THSD7A: variants seen among roughly 807,000 people sequenced by gnomAD.
THSD7A encodes the protein thrombospondin type-1 domain-containing protein 7A.
A neutral mutation model predicts 231.3 loss-of-function variants in THSD7A; 96 were observed. That is an observed-to-expected ratio of 0.41 (90% CI 0.35 to 0.49). THSD7A has a LOEUF of 0.49. Among genes scored for constraint, THSD7A ranks in the 20% least tolerant of loss-of-function variants. The pLI is 0.05. For synonymous variants in THSD7A, 940 were observed against 743.3 expected (o/e 1.26, Z -4.30); for missense variants, 2,290 against 2,070.2 (o/e 1.11, Z -2.06).
chr7:11,542,949 T>C lies in THSD7A; in HGVS notation c.1609+13A>G, dbSNP rs1789214793. ...GGTGGGTATAAAAGGCATGTCATGG[T>C]CACGTTACCTACCTTTTTTCCCTTG... On this transcript the variant is annotated intron_variant, in intron 5 of 27. Transcript: ENST00000423059. 1 of 1,611,392 alleles carries C rather than the reference T, an allele frequency of 6.2e-7. No individual in the cohort carries two copies. Among genetic ancestry groups the C allele is most frequent in the Admixed American group, 1.7e-5 (1 of 59,654 alleles).
intron 4 of THSD7A, among the ~76,000 whole-genome samples, chr7:11,581,347 A>G (rs1791153836): frequency 6.6e-6 from 1 of 152,048 alleles, no homozygotes; most frequent in African/African-American, 2.4e-5. Context: ...TTATTATCCA[A>G]TATTTTATTA....
chr7:11,508,148 C>T (rs1276725572), intron 6 of THSD7A, among the ~76,000 whole-genome samples: 1 of 152,150 alleles, frequency 6.6e-6, no homozygotes, highest in Non-Finnish European at 1.5e-5. Context: ...AATCACCTCC[C>T]ACCAGGTCCC....
At chr7:11,508,176 A>G (rs1787637209) in intron 6 of THSD7A, among the ~76,000 whole-genome samples, 1 of 152,184 alleles carries the variant, frequency 6.6e-6, no homozygotes, top group Admixed American at 6.5e-5. Context: ...ACCCCTGGAG[A>G]TTACAATTTG....
rs1491347103 is a variant in THSD7A, at chr7:11,769,122, A to ATATATATATATAT, written c.190+62634_190+62635insATATATATATATA. On this transcript the variant is annotated intron_variant, in intron 1 of 27. Coordinates refer to ENST00000423059, the MANE Select transcript of THSD7A (RefSeq NM_015204.3). ...ACAGGCACCTGCCATAATTCCTGGC[A>ATATATATATATAT]ATATATATATATATATATATATATA... Among the ~76,000 whole-genome samples, 145 of 35,868 alleles carry ATATATATATATAT rather than the reference A, an allele frequency of 4.0e-3. 27 individuals are homozygous for ATATATATATATAT. The highest frequency in any genetic ancestry group is 6.0e-3 in the African/African-American group (59 of 9,782). The allele number at this position is 35,868 out of a possible 152,430, so 23.5% of individuals were successfully genotyped here.
chr7:11,469,825 G>T, intron 9 of THSD7A, 54 bp downstream of exon 9: 1 of 1,263,546 alleles, frequency 7.9e-7, no homozygotes, highest in South Asian at 1.3e-5. Context: ...GACCTCAGAA[G>T]TCTACCGAGG....
intron 1 of THSD7A, among the ~76,000 whole-genome samples, chr7:11,675,253 C>T (rs1300865029): frequency 6.6e-6 from 1 of 152,140 alleles, no homozygotes; most frequent in Non-Finnish European, 1.5e-5. Context: ...TATGCTTTTA[C>T]CATGGTCTTC....
chr7:11,572,264 T>C (rs1375184357), intron 4 of THSD7A, among the ~76,000 whole-genome samples: 1 of 152,174 alleles, frequency 6.6e-6, no homozygotes, highest in African/African-American at 2.4e-5. Context: ...CTATTTCTAT[T>C]GATTTGTCCT....
Position 11,411,509 on chromosome 7 carries a change from G to T in THSD7A, c.3683-187C>A, listed in dbSNP as rs912446582. On this transcript the variant is annotated intron_variant, in intron 18 of 27. Coordinates refer to ENST00000423059, the MANE Select transcript of THSD7A (RefSeq NM_015204.3). The surrounding 1 kb of genome is among the most constrained non-coding windows in gnomAD (Gnocchi z 4.1). ...TCAGGAGTCAAATGGAATTGCTGGG[G>T]TTGCACATAGCTACAGGGATTATTC... Among the ~76,000 whole-genome samples the T allele has an allele frequency of 1.3e-5, 2 of 152,184 alleles. No homozygotes were observed. Among genetic ancestry groups the T allele is most frequent in the African/African-American group, 2.4e-5 (1 of 41,444 alleles).
intron 6 of THSD7A, among the ~76,000 whole-genome samples, chr7:11,538,346 CA>C (rs1459994229): frequency 2.0e-5 from 3 of 152,140 alleles, no homozygotes; most frequent in Middle Eastern, 6.8e-3. Flanking sequence ...TAGACAGCAT[CA>C]TTTTTTTTGG....
rs1325847404 is a variant in THSD7A, at chr7:11,636,888, A to G, written c.264T>C (p.His88=). 5.0e-6 allele frequency: 8 copies of G among 1,613,708 alleles called. No homozygotes were observed. In the African/African-American group the frequency reaches 9.3e-5, roughly 19 times the overall value. The change falls in exon 2 of 28, where the codon CAT becomes CAC. Residue 88 remains histidine (H), a synonymous_variant. Transcript: ENST00000423059. The surrounding 1 kb of genome is among the most constrained non-coding windows in gnomAD (Gnocchi z 10.0). ...TATGCAGTGTAGTCCATCCCTCCAC[A>G]TGAGCACACCACACAGCCCTCGTTT... ...GIQTRAVWCA[H]VEGWTTLHTN...
rs1220509985 is a variant in THSD7A at position 11,634,070 on chromosome 7, T to C, written c.1022+2060A>G. Among the ~76,000 whole-genome samples, 1 of 152,112 alleles carries C rather than the reference T, an allele frequency of 6.6e-6. No homozygotes were observed. Among genetic ancestry groups the C allele is most frequent in the African/African-American group, 2.4e-5 (1 of 41,422 alleles). ...TATCTGAGCAAAACGTAGGTCAAAA[T>C]ATCTGATTTTTATCTCTTCTTCTCT... On this transcript the variant is annotated intron_variant, in intron 2 of 27. Coordinates refer to ENST00000423059, the MANE Select transcript of THSD7A (RefSeq NM_015204.3). The surrounding 1 kb of genome is among the most constrained non-coding windows in gnomAD (Gnocchi z 4.1).
At chr7:11,391,200 C>T (rs1325251667) in intron 23 of THSD7A, among the ~76,000 whole-genome samples, 3 of 152,130 alleles carry the variant, frequency 2.0e-5, no homozygotes, top group Non-Finnish European at 2.9e-5. Context: ...TCACAGTGCC[C>T]CTTGCCCCAG....
rs141327759 is a variant in THSD7A, at chr7:11,538,947, G to A, written c.1822+2472C>T. Among the ~76,000 whole-genome samples the A allele has an allele frequency of 9.6e-3, 1,460 of 152,266 alleles. 24 individuals carry two copies. Among genetic ancestry groups the A allele is most frequent in the African/African-American group, 0.034 (1,397 of 41,544 alleles). On this transcript the variant is annotated intron_variant, in intron 6 of 27. Transcript: ENST00000423059. Reference sequence around the variant, plus strand: ...TAAGTGTTTTGAGGTCATTAACAAAGTTGTGAAATCTGTGAGGAATGTGGG... The same window carrying A: ...TAAGTGTTTTGAGGTCATTAACAAAATTGTGAAATCTGTGAGGAATGTGGG...
intron 1 of THSD7A, among the ~76,000 whole-genome samples, chr7:11,778,914 C>T (rs992871160): frequency 1.3e-5 from 2 of 152,054 alleles, no homozygotes; most frequent in Admixed American, 6.6e-5. Flanking sequence ...TTATAAAGCA[C>T]TTTTACATAC....
Position 11,541,454 on chromosome 7 carries a change from G to T in THSD7A, c.1787C>A (p.Thr596Lys), listed in dbSNP as rs544323662. ...PDNGKECGPG[T>K]QVQEVVCINS... Reference sequence around the variant, plus strand: ...GATGCACACAACCTCTTGAACTTGCGTGCCTGGACCACACTCCTTTCCGTT... The same window carrying T: ...GATGCACACAACCTCTTGAACTTGCTTGCCTGGACCACACTCCTTTCCGTT... The change falls in exon 6 of 28, where the codon ACG (threonine) becomes AAG (lysine). Residue 596 changes from threonine (T) to lysine (K), a missense_variant. Transcript: ENST00000423059. The T allele has an allele frequency of 3.2e-5, 51 of 1,613,920 alleles. No homozygotes were observed. The South Asian group carries it at 5.2e-4, about 16-fold the overall frequency.
intron 6 of THSD7A, among the ~76,000 whole-genome samples, chr7:11,508,397 A>G (rs1345130034): frequency 1.3e-5 from 2 of 152,086 alleles, no homozygotes; most frequent in East Asian, 1.9e-4. Context: ...CAGAACAGCT[A>G]TGATCAAAGG....
intron 7 of THSD7A, among the ~76,000 whole-genome samples, chr7:11,476,089 A>G (rs1786163806): frequency 6.6e-6 from 1 of 151,998 alleles, no homozygotes; most frequent in African/African-American, 2.4e-5. Flanking sequence ...AAATTGGTAA[A>G]GCTAAAAGTC....
chr7:11,615,635 A>T (rs1781080136), intron 2 of THSD7A, among the ~76,000 whole-genome samples: 1 of 152,150 alleles, frequency 6.6e-6, no homozygotes, highest in South Asian at 2.1e-4. Flanking sequence ...TACTCATTTT[A>T]TATTATTTAT....
chr7:11,568,513 T>C (rs1204485077), intron 4 of THSD7A, among the ~76,000 whole-genome samples: 1 of 149,714 alleles, frequency 6.7e-6, no homozygotes, highest in Non-Finnish European at 1.5e-5. Flanking sequence ...TAGTCCCAGC[T>C]ATTTGGGAAG....
Sources: gnomAD v4.1 joint callset for allele counts (sites outside exome capture counted in the v4.1 genomes callset) on GRCh38, gnomAD v4.1.1 for gene constraint, Gnocchi (gnomAD v3.1) non-coding constraint, MANE v1.5 for transcripts, NCBI Gene and HGNC (gene_info 2026-07-23, HGNC 2026-07-21) for gene names.